POTEJ: variants seen among roughly 807,000 people sequenced by gnomAD.
POTEJ encodes the protein POTE ankyrin domain family member J.
In POTEJ, 11 loss-of-function variants were observed where a neutral mutation model predicts 69.0. The observed-to-expected ratio is 0.16, with a 90% confidence interval of 0.10 to 0.26. The LOEUF (loss-of-function observed/expected upper bound fraction) is 0.26. POTEJ is among the 10% of genes least tolerant of loss of function. The pLI, the probability that POTEJ is intolerant of heterozygous loss-of-function variation, is 1.00. For synonymous variants in POTEJ, 117 were observed against 381.1 expected (o/e 0.31, Z 8.07); for missense variants, 327 against 1,045.5 (o/e 0.31, Z 9.48).
At chr2:130,612,618 C>T (rs1341297214) in intron 1 of POTEJ, among the ~76,000 whole-genome samples, 1 of 149,266 alleles carries the variant, frequency 6.7e-6, no homozygotes, top group Non-Finnish European at 1.5e-5. Context: ...AAAAAATTAG[C>T]CGGGCACGGT....
At chr2:130,613,105 A>G (rs1249271107) in intron 1 of POTEJ, among the ~76,000 whole-genome samples, 1 of 140,406 alleles carries the variant, frequency 7.1e-6, no homozygotes, top group African/African-American at 2.7e-5. Context: ...TTCATAATTC[A>G]TTTTTGGAGA....
At chr2:130,643,455 G>T (rs1393863671) in intron 10 of POTEJ, among the ~76,000 whole-genome samples, 1 of 137,100 alleles carries the variant, frequency 7.3e-6, no homozygotes, top group African/African-American at 2.7e-5. Flanking sequence ...GGAGGCGGAG[G>T]TTGCAGTGAG....
At chr2:130,613,245 CAT>C (rs1205829544) in intron 1 of POTEJ, among the ~76,000 whole-genome samples, 4 of 126,252 alleles carry the variant, frequency 3.2e-5, no homozygotes, top group African/African-American at 9.4e-5. Context: ...CATATATATA[CAT>C]ATATATACAC....
intron 9 of POTEJ, among the ~76,000 whole-genome samples, chr2:130,637,871 A>G (rs1484899753): frequency 3.4e-5 from 5 of 148,840 alleles, no homozygotes; most frequent in African/African-American, 5.1e-5. Context: ...GTCAGGTCTT[A>G]ACATCCATTG....
In POTEJ at chr2:130,624,018, A is replaced by G. The variant is rs753341936; in HGVS notation, c.945-46A>G. ...ATTCTGCATTTGGTAAGATTTTTAT[A>G]TCAGTATTAAAATAGTAATTTGGTT... On this transcript the variant is annotated intron_variant, in intron 5 of 14. Transcript: ENST00000409602. 22 of 1,484,952 alleles carry G rather than the reference A, an allele frequency of 1.5e-5. 4 individuals are homozygous for G. The highest frequency in any genetic ancestry group is 1.9e-5 in the Admixed American group (1 of 53,706). 92.0% of individuals were successfully genotyped at this position (1,484,952 alleles called of 1,614,324 possible). A position where few individuals can be genotyped will look rare whatever the true frequency, so the allele number is the denominator to read the frequency against.
chr2:130,626,246 A>AG (rs1277880650), intron 6 of POTEJ, among the ~76,000 whole-genome samples: 1 of 150,528 alleles, frequency 6.6e-6, no homozygotes, highest in Non-Finnish European at 1.5e-5. Context: ...TCTGAGGCTG[A>AG]GGAGGGGGAT....
Position 130,657,564 on chromosome 2 carries a change from G to T in POTEJ, c.2804G>T (p.Cys935Phe). ...FQPCFLGMESCGIHETTFNSI... is the reference protein window; with the variant it reads ...FQPCFLGMESFGIHETTFNSI... Reference sequence around the variant, plus strand: ...CCTTGCTTCCTGGGCATGGAATCCTGTGGCATCCATGAAACTACCTTCAAC... The same window carrying T: ...CCTTGCTTCCTGGGCATGGAATCCTTTGGCATCCATGAAACTACCTTCAAC... Residue 935 changes from cysteine to phenylalanine, a missense_variant, in exon 15 of 15, where the codon TGT (cysteine) becomes TTT (phenylalanine). Coordinates refer to ENST00000409602, the MANE Select transcript of POTEJ (RefSeq NM_001277083.2). 1 of 1,557,454 alleles carries T rather than the reference G, an allele frequency of 6.4e-7. No individual in the cohort carries two copies. Among genetic ancestry groups the T allele is most frequent in the East Asian group, 2.2e-5 (1 of 44,678 alleles).
intron 13 of POTEJ, among the ~76,000 whole-genome samples, chr2:130,647,221 T>C (rs1297705346): frequency 2.6e-5 from 4 of 151,194 alleles, no homozygotes; most frequent in Non-Finnish European, 5.9e-5. Flanking sequence ...TGATGACACA[T>C]CTTAAGAGTT....
chr2:130,614,151 C>A, intron 1 of POTEJ, among the ~76,000 whole-genome samples: 2 of 109,134 alleles, frequency 1.8e-5, no homozygotes, highest in African/African-American at 4.1e-5. Context: ...AGTGAGACTC[C>A]ATCTCAAAAA....
chr2:130,636,195 A>G (rs1321684188), intron 9 of POTEJ, among the ~76,000 whole-genome samples: 125 of 151,758 alleles, frequency 8.2e-4, no homozygotes, highest in African/African-American at 2.8e-3. Flanking sequence ...TCAGTTCTTT[A>G]TTTAAAACCA....
At chr2:130,629,267 G>A (rs1278239969) in intron 6 of POTEJ, among the ~76,000 whole-genome samples, 393 of 148,068 alleles carry the variant, frequency 2.7e-3, no homozygotes, top group African/African-American at 9.6e-3. Context: ...ACAAAGACAG[G>A]GCTTGGCTTA....
rs536740021 is a variant in POTEJ, at chr2:130,631,090, A to C, written c.1087-319A>C. On this transcript the variant is annotated intron_variant, in intron 7 of 14. Coordinates refer to ENST00000409602, the MANE Select transcript of POTEJ (RefSeq NM_001277083.2). ...TTTTTGGTAGATTTAACACATAACA[A>C]GTTTAGTCCAAACAAATGGTGACCA... Among the ~76,000 whole-genome samples, 38 of 144,056 alleles carry C rather than the reference A, an allele frequency of 2.6e-4. 4 individuals are homozygous for C. The East Asian group carries it at 2.9e-3, about 11-fold the overall frequency. The allele number at this position is 144,056 out of a possible 152,430, so 94.5% of individuals were successfully genotyped here.
chr2:130,613,313 CATATATATACATATGTATATATACAT>C (rs1228371307), intron 1 of POTEJ, among the ~76,000 whole-genome samples: 3 of 76,844 alleles, frequency 3.9e-5, no homozygotes, highest in Non-Finnish European at 8.5e-5. Flanking sequence ...TGTATATATA[CATATATATACATATGTATATATACAT>C]ATATATGTGT....
intron 6 of POTEJ, among the ~76,000 whole-genome samples, chr2:130,627,166 A>G (rs1371243086): frequency 5.3e-5 from 8 of 151,846 alleles, no homozygotes; most frequent in Non-Finnish European, 7.4e-5. Flanking sequence ...AGCAGGAATG[A>G]CTAATGTTTT....
At chr2:130,634,042 G>A (rs543911291) in intron 9 of POTEJ, among the ~76,000 whole-genome samples, 18 of 151,168 alleles carry the variant, frequency 1.2e-4, no homozygotes, top group Non-Finnish European at 2.5e-4. Context: ...CTCTCTACTA[G>A]TTGGGACCAC....
At chr2:130,637,225 G>A (rs2105232854) in intron 9 of POTEJ, among the ~76,000 whole-genome samples, 1 of 151,418 alleles carries the variant, frequency 6.6e-6, no homozygotes, top group East Asian at 1.9e-4. Flanking sequence ...GCCCAATATT[G>A]TGGTTATTCA....
At chr2:130,630,971 G>C in intron 7 of POTEJ, among the ~76,000 whole-genome samples, 1 of 144,046 alleles carries the variant, frequency 6.9e-6, no homozygotes, top group Non-Finnish European at 1.5e-5. Context: ...AAGCACTTCA[G>C]TGCACTGTAG....
At chr2:130,650,241 T>C (rs1431759196) in intron 13 of POTEJ, among the ~76,000 whole-genome samples, 1 of 152,284 alleles carries the variant, frequency 6.6e-6, no homozygotes, top group Non-Finnish European at 1.5e-5. Context: ...AATAAAAGTT[T>C]CTTTGTATTA....
rs559218111 is a variant in POTEJ at position 130,647,107 on chromosome 2, C to T, written c.1667+797C>T. On this transcript the variant is annotated intron_variant, in intron 13 of 14. Transcript: ENST00000409602. Reference sequence around the variant, plus strand: ...TATCAATAGGAAATAGCTCAATTTCCGTATCCCCAAAATAATGTATTATGC... The same window carrying T: ...TATCAATAGGAAATAGCTCAATTTCTGTATCCCCAAAATAATGTATTATGC... Among the ~76,000 whole-genome samples, 137 of 150,622 alleles carry T rather than the reference C, an allele frequency of 9.1e-4. 1 individual carries two copies. The highest frequency in any genetic ancestry group is 2.6e-3 in the African/African-American group (105 of 39,838).
Sources: allele counts gnomAD v4.1 joint callset (sites outside exome capture counted in the v4.1 genomes callset), GRCh38; gene constraint gnomAD v4.1.1; transcripts MANE v1.5; gene names NCBI Gene and HGNC (gene_info 2026-07-23, HGNC 2026-07-21).